The following CELF5 variants were observed in gnomAD, a reference collection of about 807,000 sequenced individuals.
CELF5 encodes the protein CUGBP Elav-like family member 5.
Under a neutral mutation model 54.9 loss-of-function variants are expected in CELF5, and 6 were observed. The ratio of observed to expected loss-of-function variants is 0.11; its 90% confidence interval spans 0.06 to 0.22. The LOEUF (loss-of-function observed/expected upper bound fraction) is 0.22. Ranked by LOEUF, CELF5 falls within the 10% of genes least tolerant of loss-of-function variation. The pLI is 1.00. For synonymous variants in CELF5, 271 were observed against 290.9 expected (o/e 0.93, Z 0.70); for missense variants, 401 against 678.6 (o/e 0.59, Z 4.54).
chr19:3,245,570 C>CA (rs79993342), intron 1 of CELF5, among the ~76,000 whole-genome samples: 15,579 of 111,568 alleles, frequency 0.14, 934 homozygotes, highest in East Asian at 0.3. Flanking sequence ...AGTCCACAGG[C>CA]AAAAAAAAAA....
intron 2 of CELF5, among the ~76,000 whole-genome samples, chr19:3,263,584 A>AAAC (rs1409690054): frequency 3.3e-5 from 5 of 151,190 alleles, no homozygotes; most frequent in African/African-American, 1.2e-4. Flanking sequence ...ACAAACAAAC[A>AAAC]AACAAATATT....
intron 2 of CELF5, among the ~76,000 whole-genome samples, chr19:3,265,465 G>A (rs961171016): frequency 6.6e-6 from 1 of 152,220 alleles, no homozygotes; most frequent in Non-Finnish European, 1.5e-5. Flanking sequence ...CCGAGCAGAA[G>A]TTCAGAGGCA....
At chr19:3,276,817 G>A (rs555390000) in intron 4 of CELF5, among the ~76,000 whole-genome samples, 9 of 106,446 alleles carry the variant, frequency 8.5e-5, no homozygotes, top group African/African-American at 3.3e-4. Flanking sequence ...AGGCGGGGGG[G>A]CTTCTCCAGG....
chr19:3,278,861 C>T lies in CELF5; in HGVS notation c.603+751C>T, dbSNP rs530381476. On this transcript the variant is annotated intron_variant, in intron 5 of 12. Coordinates refer to ENST00000292672, the MANE Select transcript of CELF5 (RefSeq NM_021938.4). This position sits in a 1 kb window ranked among gnomAD's most constrained non-coding sequence, Gnocchi z 4.5. ...GGGGATGACACCTGGGTTGGATTTG[C>T]TGAGGCCAGGAGAGGCCCTGACAAA... 1.1e-4 allele frequency among the ~76,000 whole-genome samples: 16 copies of T among 150,674 alleles called. No homozygotes were observed. The East Asian group carries it at 2.9e-3, about 27-fold the overall frequency.
intron 2 of CELF5, among the ~76,000 whole-genome samples, chr19:3,261,121 T>C (rs1372435412): frequency 6.6e-6 from 1 of 152,006 alleles, no homozygotes; most frequent in East Asian, 1.9e-4. Flanking sequence ...GGGTTGCTGA[T>C]AGAAATTAAA....
intron 1 of CELF5, among the ~76,000 whole-genome samples, chr19:3,236,601 G>A (rs914075352): frequency 1.1e-4 from 17 of 152,164 alleles, no homozygotes; most frequent in Non-Finnish European, 2.9e-5. Flanking sequence ...TGTATTCCCT[G>A]TCTCTGTTTC....
chr19:3,277,202 G>T (rs1171531599), intron 4 of CELF5, among the ~76,000 whole-genome samples: 2 of 152,198 alleles, frequency 1.3e-5, no homozygotes, highest in Admixed American at 6.5e-5. Context: ...AGGGCTGGGC[G>T]TGGTGGCTCA....
Position 3,290,384 on chromosome 19 carries a change from C to T in CELF5, c.1330+10C>T, listed in dbSNP as rs770403096. 3.7e-6 allele frequency: 6 copies of T among 1,611,834 alleles called. No individual in the cohort carries two copies. Among genetic ancestry groups the T allele is most frequent in the South Asian group, 1.1e-5 (1 of 91,008 alleles). On this transcript the variant is annotated intron_variant, in intron 11 of 12. Coordinates refer to ENST00000292672, the MANE Select transcript of CELF5 (RefSeq NM_021938.4). ...CAGAGCAAGTGTTTCGGTGAGTGGC[C>T]GCCGACGCCACCCCTCCCCATCCAC... is the stretch of plus-strand genomic sequence containing the variant.
At chr19:3,248,136 C>T (rs1302708913) in intron 1 of CELF5, among the ~76,000 whole-genome samples, 3 of 152,066 alleles carry the variant, frequency 2.0e-5, no homozygotes, top group Admixed American at 2.0e-4. Flanking sequence ...ATCATCACCA[C>T]TATCTGATCT....
chr19:3,280,792 T>C (rs1278185682), intron 5 of CELF5, among the ~76,000 whole-genome samples: 2 of 152,184 alleles, frequency 1.3e-5, no homozygotes, highest in East Asian at 3.9e-4. Context: ...CAATGGCAGG[T>C]TCGTCCACCT....
intron 1 of CELF5, among the ~76,000 whole-genome samples, chr19:3,238,596 C>T (rs1391909547): frequency 3.3e-5 from 5 of 152,156 alleles, no homozygotes; most frequent in Admixed American, 1.3e-4. Flanking sequence ...GTGGTCTCTG[C>T]TCCATCATCT....
intron 10 of CELF5, among the ~76,000 whole-genome samples, chr19:3,287,916 C>G (rs1304232051): frequency 6.6e-6 from 1 of 152,134 alleles, no homozygotes; most frequent in Non-Finnish European, 1.5e-5. Context: ...TGGAGAAGAC[C>G]TAGAATGTGC....
chr19:3,285,008 C>T (rs1428505608), intron 9 of CELF5, 44 bp downstream of exon 9: 1 of 1,489,948 alleles, frequency 6.7e-7, no homozygotes, highest in African/African-American at 1.4e-5. Context: ...TGGCCCCGCC[C>T]CCGCCTAGGG....
intron 2 of CELF5, among the ~76,000 whole-genome samples, chr19:3,259,047 G>C (rs2079771016): frequency 1.3e-5 from 2 of 152,192 alleles, no homozygotes. Flanking sequence ...TTAGTGAAGG[G>C]TGGACAGGGT....
rs1157816272 is a variant in CELF5, at chr19:3,278,950, G to A, written c.603+840G>A. Reference sequence around the variant, plus strand: ...GCCATAGAAGATGGGGCCGCAATGCGAGGCTGAGAAGCCTGGACTTTCTCC... The same window carrying A: ...GCCATAGAAGATGGGGCCGCAATGCAAGGCTGAGAAGCCTGGACTTTCTCC... On this transcript the variant is annotated intron_variant, in intron 5 of 12. Transcript: ENST00000292672. The surrounding 1 kb of genome is among the most constrained non-coding windows in gnomAD (Gnocchi z 4.5). 1.3e-5 allele frequency among the ~76,000 whole-genome samples: 2 copies of A among 152,194 alleles called. No individual in the cohort carries two copies. Among genetic ancestry groups the A allele is most frequent in the African/African-American group, 2.4e-5 (1 of 41,442 alleles).
At chr19:3,245,695 G>C (rs368394908) in intron 1 of CELF5, among the ~76,000 whole-genome samples, 1 of 152,146 alleles carries the variant, frequency 6.6e-6, no homozygotes. Flanking sequence ...TCTTAGTGTA[G>C]TTCTTTTGAA....
rs1026276090 is a variant in CELF5 at position 3,290,080 on chromosome 19, C to T, written c.1187-151C>T. The T allele has an allele frequency of 3.5e-5, 21 of 606,994 alleles. No homozygotes were observed. In the Admixed American group the frequency reaches 4.7e-4, roughly 14 times the overall value. 37.6% of individuals were successfully genotyped at this position (606,994 alleles called of 1,614,324 possible). On this transcript the variant is annotated intron_variant, in intron 10 of 12. Transcript: ENST00000292672. ...GTGTGTCCCGTCTCCCTCCCCAGCC[C>T]GTGGCCAGGCCCCTTCTTTCTGGGT...
intron 1 of CELF5, among the ~76,000 whole-genome samples, chr19:3,245,007 G>A (rs560893871): frequency 8.3e-5 from 12 of 145,088 alleles, no homozygotes; most frequent in Admixed American, 5.5e-4. Flanking sequence ...GCATCTGTGC[G>A]TGTGTGTGTA....
At chr19:3,294,303 C>T (rs1047004479) in intron 12 of CELF5, 6 of 152,176 alleles carry the variant, frequency 3.9e-5, no homozygotes, top group Admixed American at 3.3e-4. Context: ...AAAGTCATCT[C>T]CCCAGAGACG....
Sources: allele counts gnomAD v4.1 joint callset (sites outside exome capture counted in the v4.1 genomes callset), GRCh38; gene constraint gnomAD v4.1.1; non-coding constraint Gnocchi (gnomAD v3.1); transcripts MANE v1.5; gene names NCBI Gene and HGNC (gene_info 2026-07-23, HGNC 2026-07-21).